The following SYT17 variants were observed in gnomAD, a reference collection of about 807,000 sequenced individuals.
SYT17 encodes the protein synaptotagmin-17.
In SYT17, 22 loss-of-function variants were observed where a neutral mutation model predicts 46.7. The observed-to-expected ratio is 0.47, with a 90% CI of 0.34 to 0.67. The LOEUF (loss-of-function observed/expected upper bound fraction) is 0.67, where lower values mean the gene tolerates loss of function less well. Ranked by LOEUF, SYT17 falls within the 30% of genes least tolerant of loss-of-function variation. The probability of loss-of-function intolerance (pLI) is 0.01; values close to 1 mark genes in which losing one functional copy is unlikely to be tolerated. For synonymous variants in SYT17, 251 were observed against 248.4 expected (o/e 1.01, Z -0.10); for missense variants, 519 against 612.8 (o/e 0.85, Z 1.62).
chr16:19,228,111 G>A lies in SYT17; in HGVS notation c.1228+3273G>A, dbSNP rs558736652. ...TGATTAGAACTCCAGAAAAATACATGGAAGTATGGAAAATTTTGCATATAG... is the reference window on the plus strand; with the variant it reads ...TGATTAGAACTCCAGAAAAATACATAGAAGTATGGAAAATTTTGCATATAG... On this transcript the variant is annotated intron_variant, in intron 7 of 7. Coordinates refer to ENST00000355377, the MANE Select transcript of SYT17 (RefSeq NM_016524.4). Among the ~76,000 whole-genome samples the A allele has an allele frequency of 7.2e-5, 11 of 152,238 alleles. 1 individual carries two copies. Among genetic ancestry groups the A allele is most frequent in the African/African-American group, 2.4e-4 (10 of 41,530 alleles).
chr16:19,193,472 A>G (rs975003309), intron 5 of SYT17, among the ~76,000 whole-genome samples: 1 of 152,202 alleles, frequency 6.6e-6, no homozygotes, highest in Non-Finnish European at 1.5e-5. Flanking sequence ...GCACTGCCCA[A>G]ATGAAAGCCT....
At chr16:19,241,750 A>G (rs902374905) in intron 7 of SYT17, among the ~76,000 whole-genome samples, 2 of 152,000 alleles carry the variant, frequency 1.3e-5, no homozygotes, top group Admixed American at 6.6e-5. Flanking sequence ...GGGCAGAGAG[A>G]GGTGATGCGT....
chr16:19,214,329 C>T (rs1340290981), intron 5 of SYT17, among the ~76,000 whole-genome samples: 1 of 151,970 alleles, frequency 6.6e-6, no homozygotes, highest in East Asian at 1.9e-4. Flanking sequence ...TCCTGGTCAG[C>T]TTTTTTTGTT....
intron 7 of SYT17, among the ~76,000 whole-genome samples, chr16:19,265,536 C>G (rs1969297337): frequency 6.6e-6 from 1 of 152,210 alleles, no homozygotes; most frequent in Admixed American, 6.5e-5. Context: ...CAGGGGAGAA[C>G]AGAGGCTCAT....
chr16:19,258,571 G>A (rs962117354), intron 7 of SYT17, among the ~76,000 whole-genome samples: 1 of 152,178 alleles, frequency 6.6e-6, no homozygotes, highest in Non-Finnish European at 1.5e-5. Flanking sequence ...CAACCCGGGA[G>A]GCGGAGGTTG....
At chr16:19,204,514 A>G in intron 5 of SYT17, among the ~76,000 whole-genome samples, 1 of 151,986 alleles carries the variant, frequency 6.6e-6, no homozygotes, top group East Asian at 1.9e-4. Flanking sequence ...CAGGAGGAGC[A>G]GGTGAGGATG....
intron 5 of SYT17, among the ~76,000 whole-genome samples, chr16:19,219,019 C>G (rs1596970619): frequency 1.3e-5 from 2 of 152,200 alleles, no homozygotes; most frequent in African/African-American, 4.8e-5. Flanking sequence ...CCCACGCGAA[C>G]CCCATCCATT....
At position 19,233,427 on chromosome 16, in the gene SYT17, G is replaced by C. The variant is rs149423992; in HGVS notation, c.1228+8589G>C. Among the ~76,000 whole-genome samples the C allele has an allele frequency of 3.1e-3, 464 of 151,878 alleles. 2 individuals carry two copies. The highest frequency in any genetic ancestry group is 9.0e-3 in the African/African-American group (371 of 41,370). Reference sequence around the variant, plus strand: ...AGTACTTTGGGAGGCCGAGGCAGGAGAATCACTTGAGTACAAGAGATCGAG... The same window carrying C: ...AGTACTTTGGGAGGCCGAGGCAGGACAATCACTTGAGTACAAGAGATCGAG... On this transcript the variant is annotated intron_variant, in intron 7 of 7. Transcript: ENST00000355377.
intron 3 of SYT17, among the ~76,000 whole-genome samples, chr16:19,178,910 CT>C (rs1964433040): frequency 6.6e-6 from 1 of 151,942 alleles, no homozygotes; most frequent in Non-Finnish European, 1.5e-5. Flanking sequence ...ATAATATCAA[CT>C]AAGCTGGGCA....
intron 7 of SYT17, among the ~76,000 whole-genome samples, chr16:19,257,720 T>C (rs892973427): frequency 5.9e-5 from 9 of 152,136 alleles, no homozygotes; most frequent in African/African-American, 2.2e-4. Flanking sequence ...ATTTTTTCTT[T>C]TCAGGAACAG....
chr16:19,182,411 C>G (rs1234537599), intron 4 of SYT17, among the ~76,000 whole-genome samples: 1 of 152,184 alleles, frequency 6.6e-6, no homozygotes, highest in Non-Finnish European at 1.5e-5. Context: ...AAGACTCTGT[C>G]TCAAAATAAA....
At chr16:19,218,453 A>G (rs553932827) in intron 5 of SYT17, among the ~76,000 whole-genome samples, 80 of 152,300 alleles carry the variant, frequency 5.3e-4, no homozygotes, top group African/African-American at 1.9e-3. Context: ...CTGTGTATGG[A>G]GGATGGGATG....
intron 7 of SYT17, among the ~76,000 whole-genome samples, chr16:19,246,476 G>A (rs1022327733): frequency 3.9e-5 from 6 of 152,000 alleles, no homozygotes; most frequent in African/African-American, 7.2e-5. Flanking sequence ...ATGTGCAACC[G>A]TAAATGGGGA....
chr16:19,256,437 A>AACACACAC (rs57120408), intron 7 of SYT17, among the ~76,000 whole-genome samples: 6,589 of 128,904 alleles, frequency 0.051, 298 homozygotes, highest in East Asian at 0.1. Flanking sequence ...CCCCTCTTCA[A>AACACACAC]ACACACACAC....
chr16:19,181,494 G>A (rs917367605), intron 4 of SYT17, among the ~76,000 whole-genome samples: 1 of 152,118 alleles, frequency 6.6e-6, no homozygotes, highest in African/African-American at 2.4e-5. Context: ...AGAGTTCAAG[G>A]GCATGAAATA....
rs1042613997 is a variant in SYT17 at position 19,268,266 on chromosome 16, C to T, written c.*1190C>T. Reference sequence around the variant, plus strand: ...TGTTGGATGCTTCTGTATCTTTTTCCACAGCATAATGTCTGGTGTGATGGG... The same window carrying T: ...TGTTGGATGCTTCTGTATCTTTTTCTACAGCATAATGTCTGGTGTGATGGG... On this transcript the variant is annotated 3_prime_UTR_variant, in exon 8 of 8. Coordinates refer to ENST00000355377, the MANE Select transcript of SYT17 (RefSeq NM_016524.4). 6.6e-6 allele frequency: 1 copy of T among 151,934 alleles called. No homozygotes were observed. The highest frequency in any genetic ancestry group is 2.4e-5 in the African/African-American group (1 of 41,338). The allele number at this position is 151,934 out of a possible 1,614,324, so 9.4% of individuals were successfully genotyped here.
chr16:19,189,298 G>GAAC, intron 5 of SYT17, among the ~76,000 whole-genome samples: 1 of 150,266 alleles, frequency 6.7e-6, no homozygotes, highest in East Asian at 2.0e-4. Context: ...TCCAAATAAG[G>GAAC]TCCCATTCTG....
intron 5 of SYT17, among the ~76,000 whole-genome samples, chr16:19,203,202 A>G (rs1329128424): frequency 6.6e-6 from 1 of 152,146 alleles, no homozygotes; most frequent in East Asian, 1.9e-4. Context: ...AATAAAGGAA[A>G]GCACTTGGCC....
intron 7 of SYT17, among the ~76,000 whole-genome samples, chr16:19,227,233 C>T (rs2142889059): frequency 6.6e-6 from 1 of 152,042 alleles, no homozygotes; most frequent in Admixed American, 6.5e-5. Context: ...CTTTTTTCTC[C>T]CACACACATG....
Sources: allele counts gnomAD v4.1 joint callset (sites outside exome capture counted in the v4.1 genomes callset), GRCh38; gene constraint gnomAD v4.1.1; transcripts MANE v1.5; gene names NCBI Gene and HGNC (gene_info 2026-07-23, HGNC 2026-07-21).